ABCC9: variants seen among roughly 807,000 people sequenced by gnomAD.
ABCC9 encodes the protein ATP binding cassette subfamily C member 9, also known as ATP-binding cassette sub-family C member 9.
In ABCC9, 95 loss-of-function variants were observed where a neutral mutation model predicts 188.3. The ratio of observed to expected loss-of-function variants is 0.50; its 90% CI spans 0.43 to 0.60. ABCC9 has a LOEUF of 0.60. ABCC9 is among the 20% of genes least tolerant of loss of function. ABCC9 has a pLI of 0.00. For missense variants in ABCC9, 1,102 were observed against 1,876.3 expected (o/e 0.59, Z 7.62); for synonymous variants, 659 against 652.7 (o/e 1.01, Z -0.15).
At chr12:21,865,125 T>TG (rs1945716961) in intron 18 of ABCC9, among the ~76,000 whole-genome samples, 2 of 152,170 alleles carry the variant, frequency 1.3e-5, no homozygotes, top group Non-Finnish European at 2.9e-5. Flanking sequence ...TGTTCTAATT[T>TG]TTTATAATTT....
At chr12:21,805,252 TA>T in intron 39 of ABCC9, 1 of 1,611,672 alleles carries the variant, frequency 6.2e-7, no homozygotes, top group East Asian at 2.2e-5. Flanking sequence ...CACACTCCAC[TA>T]AAATACCCTC....
At chr12:21,803,266 G>T (rs1941591982) in intron 39 of ABCC9, among the ~76,000 whole-genome samples, 1 of 151,834 alleles carries the variant, frequency 6.6e-6, no homozygotes, top group Non-Finnish European at 1.5e-5. Flanking sequence ...CCATATCATG[G>T]ATGTCTAAAA....
At chr12:21,873,190 C>T (rs554211674) in intron 17 of ABCC9, among the ~76,000 whole-genome samples, 1 of 151,754 alleles carries the variant, frequency 6.6e-6, no homozygotes, top group East Asian at 1.9e-4. Context: ...ACCTAATGAC[C>T]TGGCATAAGG....
intron 28 of ABCC9, among the ~76,000 whole-genome samples, chr12:21,843,757 G>C (rs1944502175): frequency 6.6e-6 from 1 of 152,106 alleles, no homozygotes; most frequent in Admixed American, 6.6e-5. Context: ...GGTGCAGTCT[G>C]ACCTAACACC....
chr12:21,861,285 C>G (rs1411691647), intron 20 of ABCC9, among the ~76,000 whole-genome samples: 1 of 146,634 alleles, frequency 6.8e-6, no homozygotes, highest in African/African-American at 2.6e-5. Context: ...AGCTGGAGTT[C>G]AGTGGCACGA....
intron 12 of ABCC9, 141 bp downstream of exon 12, chr12:21,905,985 A>G (rs940569492): frequency 5.4e-6 from 5 of 922,104 alleles, no homozygotes; most frequent in Admixed American, 3.9e-5. Flanking sequence ...GCTGGTGGCT[A>G]TTGGACAGCA....
chr12:21,895,437 C>A, intron 12 of ABCC9, 122 bp from the exon 13 acceptor site: 2 of 868,900 alleles, frequency 2.3e-6, no homozygotes, highest in Admixed American at 4.0e-5. Flanking sequence ...TATTAAATGT[C>A]ATTTTGTCTG....
At chr12:21,923,805 C>A (rs1466664794) in intron 5 of ABCC9, 1 of 699,054 alleles carries the variant, frequency 1.4e-6, no homozygotes, top group East Asian at 2.7e-5. Context: ...CATATAGCCA[C>A]AAAATACTTA....
intron 24 of ABCC9, 32 bp from the exon 25 acceptor site, chr12:21,848,278 G>A: frequency 6.4e-7 from 1 of 1,566,394 alleles, no homozygotes; most frequent in Non-Finnish European, 8.8e-7. Flanking sequence ...CATGCAAGGA[G>A]CTAACACCAA....
intron 37 of ABCC9, among the ~76,000 whole-genome samples, chr12:21,808,216 A>T (rs774822419): frequency 2.0e-5 from 3 of 152,130 alleles, no homozygotes; most frequent in East Asian, 3.9e-4. Context: ...ATAATTTGTC[A>T]TGATGGGAAA....
In ABCC9 at chr12:21,800,087, T is replaced by C. The variant is rs1465771546; in HGVS notation, c.*957A>G. On this transcript the variant is annotated 3_prime_UTR_variant, in exon 40 of 40. Coordinates refer to ENST00000261200, the MANE Select transcript of ABCC9 (RefSeq NM_020297.4). The stretch of plus-strand genomic sequence containing the variant: ...GACACTTGTTTTATATATATATAAC[T>C]TCAAAGTGTAAGATATCTCCAGCCT... The C allele has an allele frequency of 6.6e-6, 1 of 152,190 alleles. No individual in the cohort carries two copies. Among genetic ancestry groups the C allele is most frequent in the Non-Finnish European group, 1.5e-5 (1 of 68,018 alleles). The allele number at this position is 152,190 out of a possible 1,614,324, so 9.4% of individuals were successfully genotyped here.
chr12:21,921,900 T>C (rs1948834081), intron 5 of ABCC9, among the ~76,000 whole-genome samples: 1 of 152,034 alleles, frequency 6.6e-6, no homozygotes, highest in Non-Finnish European at 1.5e-5. Context: ...GATTTATCTC[T>C]GGATTCTATA....
At chr12:21,822,943 T>C (rs1943144990) in intron 31 of ABCC9, among the ~76,000 whole-genome samples, 1 of 151,948 alleles carries the variant, frequency 6.6e-6, no homozygotes, top group Admixed American at 6.6e-5. Context: ...TTAGAGGCAA[T>C]AAACTAAGAA....
Position 21,872,737 on chromosome 12 carries a change from A to G in ABCC9, c.2093-7T>C, listed in dbSNP as rs185235724. On this transcript the variant is annotated splice_polypyrimidine_tract_variant and splice_region_variant and intron_variant, in intron 17 of 39. Coordinates refer to ENST00000261200, the MANE Select transcript of ABCC9 (RefSeq NM_020297.4). ...ACAATCATGGTTAACTGACCTAGGA[A>G]AGCAAAACAAAGGATAACTACAGAA... 6,221 of 1,578,250 alleles carry G rather than the reference A, an allele frequency of 3.9e-3. 15 individuals carry two copies. Among genetic ancestry groups the G allele is most frequent in the Non-Finnish European group, 5.0e-3 (5,712 of 1,147,432 alleles).
In ABCC9 at chr12:21,799,061, C is replaced by T. The variant is rs549296581; in HGVS notation, c.*1983G>A. On this transcript the variant is annotated 3_prime_UTR_variant, in exon 40 of 40. Transcript: ENST00000261200. ...GAATTGAACAATGAGATCACATGGA[C>T]ACAGGAAGGGGAATATCACACTCTG... 3.6e-5 allele frequency: 5 copies of T among 138,948 alleles called. No homozygotes were observed. In the East Asian group the frequency reaches 8.3e-4, roughly 23 times the overall value. The allele number at this position is 138,948 out of a possible 1,614,324, so 8.6% of individuals were successfully genotyped here. A position where few individuals can be genotyped will look rare whatever the true frequency, so the allele number is the denominator to read the frequency against.
At position 21,807,443 on chromosome 12, in the gene ABCC9, A is replaced by G. The variant is rs397517190; in HGVS notation, c.4352T>C (p.Val1451Ala). 6 of 1,613,948 alleles carry G rather than the reference A, an allele frequency of 3.7e-6. No homozygotes were observed. The highest frequency in any genetic ancestry group is 1.7e-5 in the Admixed American group (1 of 60,000). ...VVTEGGENFS[V>A]GQRQLFCLAR... is the part of the protein sequence containing the mutation. ...AAGGCAAAATAGCTGTCTCTGTCCAACGCTAAAATTCTCCCCACCTTCAGT... is the reference window on the plus strand; with the variant it reads ...AAGGCAAAATAGCTGTCTCTGTCCAGCGCTAAAATTCTCCCCACCTTCAGT... The change falls in exon 38 of 40, where the codon GTT (valine) becomes GCT (alanine). Residue 1451 changes from valine (V) to alanine (A), a missense_variant. This residue lies in a region of ABCC9 where 40 missense variants were observed against 105.5 expected (regional missense o/e 0.38). Transcript: ENST00000261200.
chr12:21,843,851 C>T (rs1415382515), intron 28 of ABCC9, among the ~76,000 whole-genome samples: 1 of 152,182 alleles, frequency 6.6e-6, no homozygotes, highest in Non-Finnish European at 1.5e-5. Flanking sequence ...AGGGCCATTT[C>T]GGTATTCCGA....
chr12:21,824,684 A>G (rs546165981), intron 31 of ABCC9, among the ~76,000 whole-genome samples: 2 of 152,270 alleles, frequency 1.3e-5, no homozygotes, highest in African/African-American at 4.8e-5. Flanking sequence ...TTATTGGTCT[A>G]TTCAGGGATT....
chr12:21,928,446 AAGGG>A lies in ABCC9; in HGVS notation c.285-2387_285-2384del, dbSNP rs1949138105. On this transcript the variant is annotated intron_variant, in intron 4 of 39. Coordinates refer to ENST00000261200, the MANE Select transcript of ABCC9 (RefSeq NM_020297.4). ...AAGAAAGAAAAAAAGAAAAGAAAAG[AAGGG>A]AGGGAGGAAGAAAGGAAGGAAGGAA... Among the ~76,000 whole-genome samples, 7 of 148,310 alleles carry A rather than the reference AAGGG, an allele frequency of 4.7e-5. No homozygotes were observed. In the South Asian group the frequency reaches 1.5e-3, roughly 32 times the overall value.
Sources: gnomAD v4.1 joint callset for allele counts (sites outside exome capture counted in the v4.1 genomes callset) on GRCh38, gnomAD v4.1.1 for gene constraint, gnomAD v4.1.1 regional missense constraint, MANE v1.5 for transcripts, NCBI Gene and HGNC (gene_info 2026-07-23, HGNC 2026-07-21) for gene names.